Variants in LSM14A observed in about 807,000 individuals in gnomAD.
LSM14A encodes LSM14A mRNA processing body assembly factor.
A neutral mutation model predicts 52.4 loss-of-function variants in LSM14A; 14 were observed. The observed-to-expected ratio is 0.27, with a 90% CI of 0.18 to 0.42. The LOEUF (loss-of-function observed/expected upper bound fraction) is 0.42. Among genes scored for constraint, LSM14A ranks in the 10% least tolerant of loss-of-function variants. The pLI is 1.00. For synonymous variants in LSM14A, 185 were observed against 200.3 expected (o/e 0.92, Z 0.64); for missense variants, 417 against 581.8 (o/e 0.72, Z 2.91).
At chr19:34,177,811 GC>G (rs2069185030) in intron 1 of LSM14A, among the ~76,000 whole-genome samples, 1 of 152,128 alleles carries the variant, frequency 6.6e-6, no homozygotes, top group African/African-American at 2.4e-5. Flanking sequence ...CAGGGGGATT[GC>G]TTGAGCCCAA....
intron 1 of LSM14A, among the ~76,000 whole-genome samples, chr19:34,181,563 G>A (rs747801851): frequency 6.6e-6 from 1 of 152,140 alleles, no homozygotes; most frequent in African/African-American, 2.4e-5. Context: ...TCTCTGTGAA[G>A]CATTTTCTTA....
At chr19:34,183,808 T>C (rs1170599793) in intron 1 of LSM14A, among the ~76,000 whole-genome samples, 1 of 152,106 alleles carries the variant, frequency 6.6e-6, no homozygotes. Context: ...GGATGAAGGG[T>C]GTAAGTTTTG....
At chr19:34,192,904 A>G (rs1298184561) in intron 1 of LSM14A, among the ~76,000 whole-genome samples, 1 of 151,890 alleles carries the variant, frequency 6.6e-6, no homozygotes, top group African/African-American at 2.4e-5. Context: ...GCTTGAACCC[A>G]AGAGGCAGAG....
intron 4 of LSM14A, among the ~76,000 whole-genome samples, chr19:34,211,756 T>G (rs1452944353): frequency 6.6e-6 from 1 of 150,812 alleles, no homozygotes; most frequent in African/African-American, 2.4e-5. Context: ...ACTACCTCAC[T>G]CCAGCCTGGG....
intron 6 of LSM14A, among the ~76,000 whole-genome samples, chr19:34,218,006 T>TC (rs1192733895): frequency 6.7e-6 from 1 of 149,062 alleles, no homozygotes; most frequent in Admixed American, 6.7e-5. Context: ...TTTTTTTTTT[T>TC]TTTTTTTTCC....
chr19:34,192,496 T>C (rs2070499423), intron 1 of LSM14A, among the ~76,000 whole-genome samples: 1 of 150,616 alleles, frequency 6.6e-6, no homozygotes, highest in African/African-American at 2.4e-5. Context: ...CAGCTAATGA[T>C]TTTTTGTATT....
At chr19:34,211,611 A>C (rs1385928123) in intron 4 of LSM14A, among the ~76,000 whole-genome samples, 2 of 152,082 alleles carry the variant, frequency 1.3e-5, no homozygotes, top group Non-Finnish European at 2.9e-5. Context: ...ACGTAGTGAA[A>C]CTTCATCTCT....
In LSM14A at chr19:34,221,403, C is replaced by A. The variant is rs541386815; in HGVS notation, c.1137-104C>A. The A allele has an allele frequency of 4.0e-6, 5 of 1,263,852 alleles. No homozygotes were observed. In the South Asian group the frequency reaches 7.3e-5, roughly 18 times the overall value. 78.3% of individuals were successfully genotyped at this position (1,263,852 alleles called of 1,614,324 possible). A position where few individuals can be genotyped will look rare whatever the true frequency, so the allele number is the denominator to read the frequency against. On this transcript the variant is annotated intron_variant, in intron 8 of 9. Coordinates refer to ENST00000544216, the MANE Select transcript of LSM14A (RefSeq NM_015578.4). ...AGCCAAGATGCTTATTTCTAATTAG[C>A]TTTAGTAATTACTTAGGCTTAATTT...
chr19:34,204,041 A>G lies in LSM14A; in HGVS notation c.416-4888A>G, dbSNP rs117168811. 4.0e-3 allele frequency among the ~76,000 whole-genome samples: 604 copies of G among 152,340 alleles called. 3 individuals are homozygous for G. The highest frequency in any genetic ancestry group is 6.1e-3 in the Non-Finnish European group (414 of 68,032). ...GTGTAGCATACGTTAATATCAGACA[A>G]AGGAGCTTAAAGATCAGGATTTCTT... On this transcript the variant is annotated intron_variant, in intron 3 of 9. Transcript: ENST00000544216.
intron 3 of LSM14A, among the ~76,000 whole-genome samples, 194 bp downstream of exon 3, chr19:34,196,957 C>T (rs1341845838): frequency 6.6e-6 from 1 of 151,192 alleles, no homozygotes; most frequent in East Asian, 1.9e-4. Flanking sequence ...TAAAAGTCAG[C>T]TTTCACAGAG....
In LSM14A at chr19:34,176,261, T is replaced by C. The variant is rs1228753558; in HGVS notation, c.121+3498T>C. ...AAGAGTTAATCTCTTTGAGTAACAG[T>C]CTTAGCATTCTCTTTTGAACTTTTT... On this transcript the variant is annotated intron_variant, in intron 1 of 9. Coordinates refer to ENST00000544216, the MANE Select transcript of LSM14A (RefSeq NM_015578.4). Among the ~76,000 whole-genome samples the C allele has an allele frequency of 2.0e-5, 3 of 152,300 alleles. No individual in the cohort carries two copies. The East Asian group carries it at 5.8e-4, about 29-fold the overall frequency.
chr19:34,227,479 A>G lies in LSM14A; in HGVS notation c.*91A>G. 4.0e-6 allele frequency: 4 copies of G among 999,000 alleles called. No individual in the cohort carries two copies. The South Asian group carries it at 6.5e-5, about 16-fold the overall frequency. 61.9% of individuals were successfully genotyped at this position (999,000 alleles called of 1,614,324 possible). Reference sequence around the variant, plus strand: ...GTCTTTGCAAAGAATGAAGAAGTGAATTCGCTGTACATTTGTCACCAGCAC... The same window carrying G: ...GTCTTTGCAAAGAATGAAGAAGTGAGTTCGCTGTACATTTGTCACCAGCAC... On this transcript the variant is annotated 3_prime_UTR_variant, in exon 10 of 10. Coordinates refer to ENST00000544216, the MANE Select transcript of LSM14A (RefSeq NM_015578.4).
chr19:34,226,784 A>AT (rs1274275188), intron 9 of LSM14A, among the ~76,000 whole-genome samples: 2 of 152,114 alleles, frequency 1.3e-5, no homozygotes, highest in Non-Finnish European at 2.9e-5. Flanking sequence ...AAATCTTGAG[A>AT]TTTTTATTGC....
chr19:34,198,063 A>T (rs1294486334), intron 3 of LSM14A, among the ~76,000 whole-genome samples: 1 of 61,728 alleles, frequency 1.6e-5, no homozygotes, highest in East Asian at 2.1e-4. Context: ...GCTCAAGTGT[A>T]AAAAAAAAAA....
At chr19:34,217,632 T>TG (rs1468043935) in intron 6 of LSM14A, among the ~76,000 whole-genome samples, 1 of 121,638 alleles carries the variant, frequency 8.2e-6, no homozygotes, top group East Asian at 3.0e-4. Flanking sequence ...TTTTTTTTTT[T>TG]TTTTTTTTTT....
intron 4 of LSM14A, among the ~76,000 whole-genome samples, chr19:34,210,896 A>G (rs1414611388): frequency 6.6e-6 from 1 of 152,186 alleles, no homozygotes; most frequent in Non-Finnish European, 1.5e-5. Flanking sequence ...TAGTTAAATC[A>G]GGAACACATG....
At chr19:34,222,749 A>G (rs959804595) in intron 9 of LSM14A, among the ~76,000 whole-genome samples, 4 of 152,176 alleles carry the variant, frequency 2.6e-5, no homozygotes, top group African/African-American at 9.7e-5. Context: ...ATTATACTCA[A>G]GTCACCAGCT....
At chr19:34,211,351 A>T (rs983091411) in intron 4 of LSM14A, among the ~76,000 whole-genome samples, 1 of 152,140 alleles carries the variant, frequency 6.6e-6, no homozygotes, top group South Asian at 2.1e-4. Context: ...TTATGTAATG[A>T]GGAGAAAAGA....
At chr19:34,188,350 A>G (rs2070085745) in intron 1 of LSM14A, among the ~76,000 whole-genome samples, 4 of 152,190 alleles carry the variant, frequency 2.6e-5, no homozygotes, top group African/African-American at 9.7e-5. Context: ...TTTAAAATGT[A>G]GAGGACAACC....
Sources: allele counts gnomAD v4.1 joint callset (sites outside exome capture counted in the v4.1 genomes callset), GRCh38; gene constraint gnomAD v4.1.1; transcripts MANE v1.5; gene names NCBI Gene and HGNC (gene_info 2026-07-23, HGNC 2026-07-21).